XIRP2: variants seen among roughly 807,000 people sequenced by gnomAD.
The protein encoded by XIRP2 is xin actin binding repeat containing 2, also known as xin actin-binding repeat-containing protein 2.
In XIRP2, 236 loss-of-function variants were observed where a neutral mutation model predicts 277.0. That is an observed-to-expected ratio of 0.85 (90% CI 0.77 to 0.95). The LOEUF (loss-of-function observed/expected upper bound fraction) is 0.95, where lower values mean the gene tolerates loss of function less well. Among genes scored for constraint, XIRP2 ranks in the 40% least tolerant of loss-of-function variants. The pLI, the probability that XIRP2 is intolerant of heterozygous loss-of-function variation, is 0.00. For synonymous variants in XIRP2, 1,490 were observed against 1,416.5 expected, an observed-to-expected ratio of 1.05 and a Z score of -1.17; for missense variants, 4,640 against 4,157.5, an observed-to-expected ratio of 1.12 and a Z score of -3.19.
intron 3 of XIRP2, among the ~76,000 whole-genome samples, chr2:167,156,641 T>C (rs1692206890): frequency 6.6e-6 from 1 of 152,200 alleles, no homozygotes; most frequent in African/African-American, 2.4e-5. Context: ...TTTCCCATTT[T>C]GACAAAAAGT....
In XIRP2 at chr2:166,937,961, T is replaced by C. The variant is rs544271638; in HGVS notation, c.408+34071T>C. On this transcript the variant is annotated intron_variant, in intron 2 of 10. Transcript: ENST00000409195. Reference sequence around the variant, plus strand: ...GTGATATCCCCTTTATCATTTTTTATTGGGTCTATTTGAATCTTCTCTCTT... The same window carrying C: ...GTGATATCCCCTTTATCATTTTTTACTGGGTCTATTTGAATCTTCTCTCTT... Among the ~76,000 whole-genome samples, 6 of 152,334 alleles carry C rather than the reference T, an allele frequency of 3.9e-5. No homozygotes were observed. The East Asian group carries it at 9.6e-4, about 24-fold the overall frequency.
chr2:166,931,391 G>T (rs1306157277), intron 2 of XIRP2, among the ~76,000 whole-genome samples: 1 of 152,086 alleles, frequency 6.6e-6, no homozygotes, highest in Non-Finnish European at 1.5e-5. Context: ...GCAAAATTTT[G>T]TCTCAAGACC....
intron 2 of XIRP2, among the ~76,000 whole-genome samples, chr2:167,075,319 G>C (rs1054076168): frequency 1.3e-5 from 2 of 152,126 alleles, no homozygotes; most frequent in African/African-American, 4.8e-5. Flanking sequence ...GGCATAAAAG[G>C]CTATTGCCTA....
chr2:167,227,858 CTG>C (rs1477119331), intron 5 of XIRP2, among the ~76,000 whole-genome samples: 2 of 152,120 alleles, frequency 1.3e-5, no homozygotes, highest in African/African-American at 2.4e-5. Flanking sequence ...TTAATTAAGA[CTG>C]AAACTTTACT....
At chr2:167,158,323 T>A (rs1018528807) in intron 3 of XIRP2, among the ~76,000 whole-genome samples, 1 of 152,244 alleles carries the variant, frequency 6.6e-6, no homozygotes, top group Non-Finnish European at 1.5e-5. Flanking sequence ...GTTCAGTGTA[T>A]TTTTACCATA....
chr2:166,912,165 G>A (rs931189336), intron 2 of XIRP2, among the ~76,000 whole-genome samples: 12 of 152,266 alleles, frequency 7.9e-5, no homozygotes, highest in African/African-American at 1.4e-4. Context: ...GCCTTGCTAG[G>A]TTGGGGAAGT....
At chr2:166,988,679 T>C (rs1483650682) in intron 2 of XIRP2, among the ~76,000 whole-genome samples, 4 of 107,704 alleles carry the variant, frequency 3.7e-5, no homozygotes, top group Non-Finnish European at 5.5e-5. Flanking sequence ...GGGAGTTCCC[T>C]TTCCGAGTCA....
At chr2:167,177,957 T>C (rs893027319) in intron 3 of XIRP2, among the ~76,000 whole-genome samples, 4 of 151,964 alleles carry the variant, frequency 2.6e-5, no homozygotes, top group African/African-American at 4.8e-5. Flanking sequence ...GAATATGGTA[T>C]GTCCATACAA....
At chr2:167,097,424 C>T (rs1338432243) in intron 2 of XIRP2, among the ~76,000 whole-genome samples, 1 of 152,070 alleles carries the variant, frequency 6.6e-6, no homozygotes, top group Non-Finnish European at 1.5e-5. Context: ...TTCCTCCATC[C>T]CTTTTTTTGA....
chr2:166,925,603 A>G (rs1685165084), intron 2 of XIRP2, among the ~76,000 whole-genome samples: 1 of 92,092 alleles, frequency 1.1e-5, no homozygotes, highest in African/African-American at 8.0e-5. Context: ...ATACATATAT[A>G]TATATATATA....
At chr2:167,028,969 G>C (rs1458914544) in intron 2 of XIRP2, among the ~76,000 whole-genome samples, 11 of 151,592 alleles carry the variant, frequency 7.3e-5, no homozygotes, top group Admixed American at 5.3e-4. Context: ...TGATCAAGCA[G>C]AAGAATTAGT....
intron 2 of XIRP2, among the ~76,000 whole-genome samples, chr2:166,953,240 C>T (rs182368239): frequency 6.6e-6 from 1 of 152,024 alleles, no homozygotes; most frequent in East Asian, 1.9e-4. Context: ...GCTGTTTCCC[C>T]ACCCAAATCT....
At chr2:166,972,520 A>T (rs1686606275) in intron 2 of XIRP2, among the ~76,000 whole-genome samples, 1 of 152,150 alleles carries the variant, frequency 6.6e-6, no homozygotes. Context: ...AGGAAGGAAG[A>T]GGAAAAATGG....
In XIRP2 at chr2:166,978,591, G is replaced by T. The variant is rs112909523; in HGVS notation, c.408+74701G>T. On this transcript the variant is annotated intron_variant, in intron 2 of 10. Transcript: ENST00000409195. ...GTGTGAAGTCTTGCACATATTTGTT[G>T]AATATATTTACAAATGCTTTATTCT... Among the ~76,000 whole-genome samples, 105 of 152,172 alleles carry T rather than the reference G, an allele frequency of 6.9e-4. 1 individual carries two copies. Among genetic ancestry groups the T allele is most frequent in the African/African-American group, 2.5e-3 (103 of 41,526 alleles).
intron 2 of XIRP2, among the ~76,000 whole-genome samples, chr2:167,007,336 T>C (rs2105463794): frequency 6.6e-6 from 1 of 151,762 alleles, no homozygotes; most frequent in East Asian, 1.9e-4. Context: ...ACAATACATT[T>C]TTTAAATCAC....
intron 2 of XIRP2, among the ~76,000 whole-genome samples, chr2:167,000,844 C>A (rs1022320561): frequency 6.6e-6 from 1 of 151,966 alleles, no homozygotes; most frequent in Non-Finnish European, 1.5e-5. Flanking sequence ...ATTTCCTTCC[C>A]ATATCTTATT....
chr2:166,960,012 G>C (rs1321768856), intron 2 of XIRP2, among the ~76,000 whole-genome samples: 1 of 151,710 alleles, frequency 6.6e-6, no homozygotes, highest in Non-Finnish European at 1.5e-5. Context: ...TTCTTACCCT[G>C]CCAGTTTCTT....
rs1442185748 is a variant in XIRP2, at chr2:167,119,385, T to C, written c.409-16524T>C. Among the ~76,000 whole-genome samples the C allele has an allele frequency of 3.3e-5, 5 of 152,252 alleles. No homozygotes were observed. In the South Asian group the frequency reaches 8.3e-4, roughly 25 times the overall value. On this transcript the variant is annotated intron_variant, in intron 2 of 10. Transcript: ENST00000409195. Reference sequence around the variant, plus strand: ...AATACAAATGTAAAGTCAAAGATTTTATTTAACTCGTTAATTAATGAGAGA... The same window carrying C: ...AATACAAATGTAAAGTCAAAGATTTCATTTAACTCGTTAATTAATGAGAGA...
intron 2 of XIRP2, among the ~76,000 whole-genome samples, chr2:167,051,138 C>T (rs576264093): frequency 1.9e-4 from 29 of 152,104 alleles, no homozygotes; most frequent in African/African-American, 6.5e-4. Context: ...AATCCCAATC[C>T]AAATATCATT....
Sources: allele counts gnomAD v4.1 joint callset (sites outside exome capture counted in the v4.1 genomes callset), GRCh38; gene constraint gnomAD v4.1.1; transcripts MANE v1.5; gene names NCBI Gene and HGNC (gene_info 2026-07-23, HGNC 2026-07-21).